Variants in GRIP1 observed in about 807,000 individuals in gnomAD.
GRIP1 encodes glutamate receptor interacting protein 1, also known as glutamate receptor-interacting protein 1.
A neutral mutation model predicts 129.9 loss-of-function variants in GRIP1; 45 were observed. The observed-to-expected ratio is 0.35, with a 90% CI of 0.27 to 0.44. GRIP1 has a LOEUF of 0.44. Ranked by LOEUF, GRIP1 falls within the 20% of genes least tolerant of loss-of-function variation. The pLI is 1.00. For missense variants in GRIP1, 1,196 were observed against 1,396.8 expected (o/e 0.86, Z 2.29); for synonymous variants, 530 against 520.8 (o/e 1.02, Z -0.24).
intron 1 of GRIP1, among the ~76,000 whole-genome samples, chr12:66,890,047 A>G (rs1254352800): frequency 6.6e-6 from 1 of 152,020 alleles, no homozygotes; most frequent in East Asian, 1.9e-4. Flanking sequence ...TCCTCCCAAC[A>G]GCCTCCCAAT....
In GRIP1 at chr12:66,377,002, A is replaced by T. The variant is rs1316923596; in HGVS notation, c.2778+15T>A. 6.3e-7 allele frequency: 1 copy of T among 1,595,086 alleles called. No individual in the cohort carries two copies. Among genetic ancestry groups the T allele is most frequent in the East Asian group, 2.2e-5 (1 of 44,784 alleles). Reference sequence around the variant, plus strand: ...CAGCTTCACAAGCAAAAATATAAACATAAAGGGTAGCTACCAAGAGAGTCA... The same window carrying T: ...CAGCTTCACAAGCAAAAATATAAACTTAAAGGGTAGCTACCAAGAGAGTCA... On this transcript the variant is annotated intron_variant, in intron 22 of 24. Coordinates refer to ENST00000359742, the MANE Select transcript of GRIP1 (RefSeq NM_001366722.1).
In GRIP1 at chr12:66,392,696, T is replaced by A; in HGVS notation, c.2250A>T (p.Lys750Asn). 1 of 1,614,152 alleles carries A rather than the reference T, an allele frequency of 6.2e-7. No homozygotes were observed. Among genetic ancestry groups the A allele is most frequent in the Non-Finnish European group, 8.5e-7 (1 of 1,179,982 alleles). The stretch of plus-strand genomic sequence containing the variant: ...ACTCACCATCTGTCTGTTTCTTAAT[T>A]TTCAAGGTGACAGTCTCTCCTGCCA... ...LQMAGETVTL[K>N]IKKQTDAQSA... Residue 750 changes from lysine to asparagine, a missense_variant, in exon 18 of 25, where the codon AAA becomes AAT. Physicochemically the swap from Lys to Asn is moderately conservative, Grantham distance 94. Transcript: ENST00000359742.
chr12:66,552,563 G>C (rs1183429888), intron 2 of GRIP1, among the ~76,000 whole-genome samples: 3 of 152,044 alleles, frequency 2.0e-5, no homozygotes, highest in African/African-American at 7.2e-5. Flanking sequence ...TCTATTTTAC[G>C]TACATGAAAT....
intron 4 of GRIP1, among the ~76,000 whole-genome samples, chr12:66,530,885 A>AT (rs1007347895): frequency 4.1e-4 from 63 of 151,876 alleles, no homozygotes; most frequent in African/African-American, 1.5e-3. Flanking sequence ...CAAGTAACAC[A>AT]TTTTTTTACA....
chr12:66,945,389 T>C (rs1213434993), intron 1 of GRIP1, among the ~76,000 whole-genome samples: 2 of 152,192 alleles, frequency 1.3e-5, no homozygotes, highest in African/African-American at 4.8e-5. Flanking sequence ...AAGAATTATC[T>C]GAGGCTGAGT....
chr12:66,779,549 T>C (rs1181112390), intron 1 of GRIP1, among the ~76,000 whole-genome samples: 1 of 152,226 alleles, frequency 6.6e-6, no homozygotes, highest in Non-Finnish European at 1.5e-5. Flanking sequence ...AAACACTTCT[T>C]AGTAAGCTGA....
intron 15 of GRIP1, among the ~76,000 whole-genome samples, chr12:66,418,485 C>A (rs996725640): frequency 2.0e-5 from 3 of 151,996 alleles, no homozygotes; most frequent in Non-Finnish European, 4.4e-5. Flanking sequence ...GAAAAAAAAT[C>A]AACAAAGTGA....
intron 1 of GRIP1, among the ~76,000 whole-genome samples, chr12:66,799,344 C>T (rs2136904548): frequency 6.6e-6 from 1 of 152,070 alleles, no homozygotes; most frequent in African/African-American, 2.4e-5. Flanking sequence ...GCAAGTTTGC[C>T]CTATTTCTTT....
chr12:67,041,576 CAAAA>C (rs2043181116), intron 1 of GRIP1, among the ~76,000 whole-genome samples: 1 of 151,992 alleles, frequency 6.6e-6, no homozygotes, highest in South Asian at 2.1e-4. Context: ...TTTCTTCAAT[CAAAA>C]AAGGAGTGGG....
chr12:67,000,545 T>C (rs1043317533), intron 1 of GRIP1, among the ~76,000 whole-genome samples: 1 of 152,224 alleles, frequency 6.6e-6, no homozygotes, highest in Non-Finnish European at 1.5e-5. Context: ...CTGTACTCTA[T>C]AAACTTCCAT....
intron 1 of GRIP1, among the ~76,000 whole-genome samples, chr12:66,979,252 A>AAAAAACAAC (rs772753895): frequency 3.4e-4 from 38 of 110,236 alleles, no homozygotes; most frequent in Non-Finnish European, 5.7e-4. Flanking sequence ...AAAAAAAAAA[A>AAAAAACAAC]AACAAGCCCG....
At chr12:66,785,331 C>CATATATATATATATATATAT (rs1180271589) in intron 1 of GRIP1, among the ~76,000 whole-genome samples, 5 of 35,048 alleles carry the variant, frequency 1.4e-4, no homozygotes, top group African/African-American at 4.1e-4. Flanking sequence ...TACATACATA[C>CATATATATATATATATATAT]ATACATACAT....
At chr12:66,827,774 G>A (rs1391830216) in intron 1 of GRIP1, among the ~76,000 whole-genome samples, 15 of 152,120 alleles carry the variant, frequency 9.9e-5, no homozygotes, top group Admixed American at 9.2e-4. Flanking sequence ...AACAAGCACT[G>A]GCTCTTTTGA....
intron 1 of GRIP1, among the ~76,000 whole-genome samples, chr12:66,642,273 AGAG>A (rs2031998995): frequency 6.7e-6 from 1 of 148,592 alleles, no homozygotes; most frequent in African/African-American, 2.5e-5. Flanking sequence ...GATGGAGAGG[AGAG>A]AACTCCAGCA....
chr12:67,041,259 CAT>C (rs1330587374), intron 1 of GRIP1, among the ~76,000 whole-genome samples: 1 of 151,670 alleles, frequency 6.6e-6, no homozygotes, highest in Non-Finnish European at 1.5e-5. Flanking sequence ...TGCATATATA[CAT>C]GTGTATATAT....
intron 1 of GRIP1, among the ~76,000 whole-genome samples, chr12:66,835,614 A>C (rs1343504327): frequency 6.6e-6 from 1 of 152,226 alleles, no homozygotes; most frequent in Non-Finnish European, 1.5e-5. Context: ...CCATGGAGGG[A>C]ACTTAAATGC....
chr12:66,961,224 G>A (rs900760926), intron 1 of GRIP1, among the ~76,000 whole-genome samples: 1 of 152,062 alleles, frequency 6.6e-6, no homozygotes, highest in Non-Finnish European at 1.5e-5. Context: ...AGACGGAGGA[G>A]GAGCAAACAA....
chr12:66,591,569 T>C (rs1478329494), intron 2 of GRIP1, among the ~76,000 whole-genome samples: 3 of 152,226 alleles, frequency 2.0e-5, no homozygotes, highest in Admixed American at 6.5e-5. Context: ...CATTTCATAC[T>C]TGCTTGATTC....
chr12:67,058,885 A>G (rs1034322136), intron 1 of GRIP1, among the ~76,000 whole-genome samples: 2 of 152,222 alleles, frequency 1.3e-5, no homozygotes, highest in Non-Finnish European at 2.9e-5. Context: ...GGGAACAGCA[A>G]AGAAAGAGAA....
Sources: allele counts gnomAD v4.1 joint callset (sites outside exome capture counted in the v4.1 genomes callset), GRCh38; gene constraint gnomAD v4.1.1; transcripts MANE v1.5; gene names NCBI Gene and HGNC (gene_info 2026-07-23, HGNC 2026-07-21).